Variants in AGO3 observed in about 807,000 individuals in gnomAD.
AGO3 encodes the protein protein argonaute-3.
A neutral mutation model predicts 105.5 loss-of-function variants in AGO3; 16 were observed. The observed-to-expected ratio is 0.15, with a 90% CI of 0.10 to 0.23. The LOEUF is 0.23. AGO3 is among the 10% of genes least tolerant of loss of function. AGO3 has a pLI of 1.00. For synonymous variants in AGO3, 340 were observed against 367.3 expected (o/e 0.93, Z 0.85); for missense variants, 534 against 1,088.0 (o/e 0.49, Z 7.16).
In AGO3 at chr1:35,932,054, A is replaced by AT. The variant is rs545988422; in HGVS notation, c.19+617dup. Among the ~76,000 whole-genome samples the AT allele has an allele frequency of 4.8e-4, 73 of 151,878 alleles. 1 individual carries two copies. Among genetic ancestry groups the AT allele is most frequent in the African/African-American group, 1.6e-3 (67 of 41,420 alleles). On this transcript the variant is annotated intron_variant, in intron 1 of 18. Transcript: ENST00000373191. ...TGGTTCTTAAAATTGCTGACAGTAT[A>AT]TTTTTTTTCATTCTCTATTCCTTAG...
Position 36,013,999 on chromosome 1 carries a change from G to T in AGO3, c.1357G>T (p.Ala453Ser). The change falls in exon 11 of 19, where the codon GCT (alanine) becomes TCT (serine). Residue 453 changes from alanine to serine, a missense_variant. Physicochemically the swap from Ala to Ser is moderately conservative, Grantham distance 99. Transcript: ENST00000373191. ...FHTGVEIKMW[A>S]IACFATQRQC... ...CACAGGAGTTGAAATCAAAATGTGG[G>T]CTATCGCTTGTTTTGCCACACAGAG... is the stretch of plus-strand genomic sequence containing the variant. 1 of 1,614,118 alleles carries T rather than the reference G, an allele frequency of 6.2e-7. No individual in the cohort carries two copies. Among genetic ancestry groups the T allele is most frequent in the Non-Finnish European group, 8.5e-7 (1 of 1,180,028 alleles).
intron 17 of AGO3, among the ~76,000 whole-genome samples, chr1:36,049,979 A>G (rs72904905): frequency 0.023 from 3,464 of 152,342 alleles, 132 homozygotes; most frequent in African/African-American, 0.076. Context: ...GAGAACTTCA[A>G]CACCCCACTG....
Position 36,059,454 on chromosome 1 carries a change from C to T in AGO3, c.*3709C>T, listed in dbSNP as rs1642998799. The T allele has an allele frequency of 1.3e-5, 2 of 150,784 alleles. No individual in the cohort carries two copies. Among genetic ancestry groups the T allele is most frequent in the African/African-American group, 4.9e-5 (2 of 40,958 alleles). The allele number at this position is 150,784 out of a possible 1,614,324, so 9.3% of individuals were successfully genotyped here. A position where few individuals can be genotyped will look rare whatever the true frequency, so the allele number is the denominator to read the frequency against. ...TGAAATTCACAGTGACCCTTCTGCT[C>T]CTGCCCTTGCTCACTAACTATATCA... On this transcript the variant is annotated 3_prime_UTR_variant, in exon 19 of 19. Coordinates refer to ENST00000373191, the MANE Select transcript of AGO3 (RefSeq NM_024852.4).
chr1:36,005,050 A>G lies in AGO3; in HGVS notation c.793+575A>G, dbSNP rs189657800. Among the ~76,000 whole-genome samples, 339 of 152,264 alleles carry G rather than the reference A, an allele frequency of 2.2e-3. 7 individuals carry two copies. Among genetic ancestry groups the G allele is most frequent in the Non-Finnish European group, 4.4e-4 (30 of 67,992 alleles). On this transcript the variant is annotated intron_variant, in intron 6 of 18. Coordinates refer to ENST00000373191, the MANE Select transcript of AGO3 (RefSeq NM_024852.4). ...GTTGCATCATATGTACATTTAACTC[A>G]GATAAATTCATCTCTATGTGGCTGC...
At chr1:36,033,499 G>A (rs1641873633) in intron 12 of AGO3, among the ~76,000 whole-genome samples, 1 of 151,656 alleles carries the variant, frequency 6.6e-6, no homozygotes, top group South Asian at 2.1e-4. Context: ...AAAAAAAAAG[G>A]CTTGGTGTGG....
chr1:35,935,310 A>G (rs938635526), intron 1 of AGO3, among the ~76,000 whole-genome samples: 6 of 152,256 alleles, frequency 3.9e-5, no homozygotes, highest in Non-Finnish European at 5.9e-5. Context: ...AATATAATTC[A>G]GTTAACATGA....
intron 1 of AGO3, among the ~76,000 whole-genome samples, chr1:35,934,028 A>T (rs1383040071): frequency 6.6e-6 from 1 of 152,242 alleles, no homozygotes; most frequent in African/African-American, 2.4e-5. Flanking sequence ...ATTAGTTAAA[A>T]ATTAATCAAC....
At chr1:35,930,937 C>A (rs986249452), upstream of AGO3, 31 of 293,342 alleles carry the variant, frequency 1.1e-4, no homozygotes, top group South Asian at 4.4e-3. Context: ...TACGGCCGAG[C>A]CCGCCGCATG....
chr1:35,931,410 T>C lies in AGO3; in HGVS notation c.-17T>C. Reference sequence around the variant, plus strand: ...CGGGCTCCGTTCTCCCTCGAAGCACTCCCCCCAGCTCCATGAATGGAAATC... The same window carrying C: ...CGGGCTCCGTTCTCCCTCGAAGCACCCCCCCCAGCTCCATGAATGGAAATC... On this transcript the variant is annotated 5_prime_UTR_variant, in exon 1 of 19. Coordinates refer to ENST00000373191, the MANE Select transcript of AGO3 (RefSeq NM_024852.4). 3.4e-6 allele frequency: 5 copies of C among 1,480,144 alleles called. No homozygotes were observed. Among genetic ancestry groups the C allele is most frequent in the Admixed American group, 4.8e-5 (2 of 41,978 alleles). The allele number at this position is 1,480,144 out of a possible 1,614,324, so 91.7% of individuals were successfully genotyped here.
Position 35,945,748 on chromosome 1 carries a change from A to G in AGO3, c.76A>G (p.Met26Val). The change falls in exon 2 of 19, where the codon ATG (methionine) becomes GTG (valine). Residue 26 changes from methionine (M) to valine (V), a missense_variant. This residue lies in a region of AGO3 where 161 missense variants were observed against 234.0 expected (regional missense o/e 0.69). Coordinates refer to ENST00000373191, the MANE Select transcript of AGO3 (RefSeq NM_024852.4). Reference sequence around the variant, plus strand: ...GCCCAGAAGACCTGGCTATGGCACCATGGGCAAACCCATTAAACTGCTGGC... The same window carrying G: ...GCCCAGAAGACCTGGCTATGGCACCGTGGGCAAACCCATTAAACTGCTGGC... ...MVPRRPGYGTMGKPIKLLANC... is the reference protein window; with the variant it reads ...MVPRRPGYGTVGKPIKLLANC... The G allele has an allele frequency of 6.2e-7, 1 of 1,613,450 alleles. No individual in the cohort carries two copies. The highest frequency in any genetic ancestry group is 8.5e-7 in the Non-Finnish European group (1 of 1,180,020).
intron 14 of AGO3, among the ~76,000 whole-genome samples, chr1:36,039,492 CAAAA>C (rs1048314282): frequency 0.15 from 8,216 of 55,338 alleles, 828 homozygotes; most frequent in East Asian, 0.63. Context: ...GACTGCGTCT[CAAAA>C]AAAAAAAAAA....
At chr1:36,040,274 C>T in intron 15 of AGO3, 33 bp from the exon 16 acceptor site, 1 of 1,596,828 alleles carries the variant, frequency 6.3e-7, no homozygotes. Flanking sequence ...AAATAGCTGA[C>T]TATATTGAAT....
chr1:35,976,045 C>T (rs369550619), intron 5 of AGO3, among the ~76,000 whole-genome samples: 197 of 152,032 alleles, frequency 1.3e-3, no homozygotes, highest in African/African-American at 4.2e-3. Context: ...AAGCAATTCT[C>T]ATGCCTCAGC....
intron 5 of AGO3, among the ~76,000 whole-genome samples, chr1:35,985,744 T>C (rs2148788584): frequency 6.6e-6 from 1 of 152,272 alleles, no homozygotes; most frequent in South Asian, 2.1e-4. Flanking sequence ...GTACAAAGTA[T>C]AAACTGCAAA....
At chr1:36,022,460 G>C (rs1464872294) in intron 11 of AGO3, among the ~76,000 whole-genome samples, 2 of 152,114 alleles carry the variant, frequency 1.3e-5, no homozygotes, top group African/African-American at 2.4e-5. Flanking sequence ...ATTTCAGTAA[G>C]TGTTTGCTGC....
intron 11 of AGO3, among the ~76,000 whole-genome samples, chr1:36,019,935 A>AT (rs1569820031): frequency 6.6e-6 from 1 of 152,006 alleles, no homozygotes; most frequent in Non-Finnish European, 1.5e-5. Flanking sequence ...CACCCAGCTA[A>AT]TTTTTTGTAT....
chr1:35,970,033 CT>C (rs1415874772), intron 3 of AGO3, among the ~76,000 whole-genome samples: 1 of 152,172 alleles, frequency 6.6e-6, no homozygotes, highest in East Asian at 1.9e-4. Flanking sequence ...TACTTCATTA[CT>C]TTCTGGCACA....
intron 5 of AGO3, chr1:35,982,532 G>T: frequency 1.6e-6 from 1 of 627,976 alleles, no homozygotes; most frequent in South Asian, 1.9e-5. Flanking sequence ...ACAAATCAAT[G>T]AAATAGGAAA....
chr1:35,934,934 C>T (rs866746145), intron 1 of AGO3, among the ~76,000 whole-genome samples: 2 of 152,232 alleles, frequency 1.3e-5, no homozygotes, highest in Middle Eastern at 3.4e-3. Context: ...TCTTTAATAA[C>T]TTTGAGAAAT....
Sources: gnomAD v4.1 joint callset for allele counts (sites outside exome capture counted in the v4.1 genomes callset) on GRCh38, gnomAD v4.1.1 for gene constraint, gnomAD v4.1.1 regional missense constraint, MANE v1.5 for transcripts, NCBI Gene and HGNC (gene_info 2026-07-23, HGNC 2026-07-21) for gene names.